Variants in BBS4 observed in about 807,000 individuals in gnomAD.
BBS4 encodes Bardet-Biedl syndrome 4.
A neutral mutation model predicts 71.4 loss-of-function variants in BBS4; 58 were observed. The ratio of observed to expected loss-of-function variants is 0.81; its 90% CI spans 0.66 to 1.01. The LOEUF (loss-of-function observed/expected upper bound fraction) is 1.01, where lower values mean the gene tolerates loss of function less well. BBS4 is among the 50% of genes least tolerant of loss of function. The probability of loss-of-function intolerance (pLI) is 0.00; values close to 1 mark genes in which losing one functional copy is unlikely to be tolerated. For missense variants in BBS4, 660 were observed against 607.9 expected (o/e 1.09, Z -0.90); for synonymous variants, 228 against 216.8 (o/e 1.05, Z -0.46).
intron 15 of BBS4, chr15:72,737,210 G>C (rs1567435705): frequency 8.1e-6 from 5 of 613,844 alleles, no homozygotes; most frequent in Non-Finnish European, 1.4e-5. Flanking sequence ...TCCAATTTTA[G>C]CAATATGTTA....
chr15:72,729,496 C>G, intron 9 of BBS4, 120 bp from the exon 10 acceptor site: 1 of 873,514 alleles, frequency 1.1e-6, no homozygotes, highest in Non-Finnish European at 1.9e-6. Context: ...GTGATCCACC[C>G]ACCTTAGCCT....
At chr15:72,696,882 C>T (rs2065086413) in intron 2 of BBS4, among the ~76,000 whole-genome samples, 1 of 151,906 alleles carries the variant, frequency 6.6e-6, no homozygotes, top group South Asian at 2.1e-4. Context: ...TGAGCTATTG[C>T]ACCTGGGTTA....
chr15:72,706,801 C>G (rs1177229937), intron 2 of BBS4, among the ~76,000 whole-genome samples: 2 of 152,076 alleles, frequency 1.3e-5, no homozygotes, highest in Non-Finnish European at 2.9e-5. Flanking sequence ...AATCCCTATT[C>G]TTGGATAGCA....
At chr15:72,713,632 A>C (rs1336039400) in intron 4 of BBS4, among the ~76,000 whole-genome samples, 1 of 152,198 alleles carries the variant, frequency 6.6e-6, no homozygotes, top group Non-Finnish European at 1.5e-5. Flanking sequence ...ATCAAGTATT[A>C]AGTTCTATAT....
chr15:72,730,372 G>C (rs942031887), intron 10 of BBS4, among the ~76,000 whole-genome samples: 1 of 152,082 alleles, frequency 6.6e-6, no homozygotes, highest in Non-Finnish European at 1.5e-5. Flanking sequence ...TGAGGCAGGA[G>C]GATCACTTGA....
intron 2 of BBS4, among the ~76,000 whole-genome samples, chr15:72,705,640 T>C (rs967332901): frequency 2.3e-5 from 3 of 133,316 alleles, no homozygotes; most frequent in African/African-American, 8.0e-5. Context: ...TCACCCAGGT[T>C]GGAGTGCAGT....
intron 5 of BBS4, among the ~76,000 whole-genome samples, chr15:72,715,674 C>A (rs927007278): frequency 6.6e-6 from 1 of 152,186 alleles, no homozygotes; most frequent in Non-Finnish European, 1.5e-5. Flanking sequence ...AATAGAGACA[C>A]CTTGTACCCT....
intron 2 of BBS4, 120 bp from the exon 3 acceptor site, chr15:72,709,580 T>C: frequency 2.6e-6 from 2 of 771,238 alleles, no homozygotes; most frequent in South Asian, 1.4e-5. Flanking sequence ...TTGTAGTCAG[T>C]AGCATCAAAA....
rs2065956108 is a variant in BBS4 at position 72,737,785 on chromosome 15, C to T, written c.*198C>T. On this transcript the variant is annotated 3_prime_UTR_variant, in exon 16 of 16. Transcript: ENST00000268057. ...TTTGAGGTCGGAAACCCTCTACTGC[C>T]CCATAAGCCAGGAAAAGTGAAAAGA... 8 of 612,094 alleles carry T rather than the reference C, an allele frequency of 1.3e-5. 1 individual carries two copies. Among genetic ancestry groups the T allele is most frequent in the South Asian group, 1.1e-4 (7 of 65,844 alleles). The allele number at this position is 612,094 out of a possible 1,614,324, so 37.9% of individuals were successfully genotyped here.
intron 7 of BBS4, among the ~76,000 whole-genome samples, chr15:72,724,220 A>G (rs112475044): frequency 1.3e-5 from 2 of 152,356 alleles, no homozygotes; most frequent in African/African-American, 2.4e-5. Context: ...ACACTGTACT[A>G]TGATGGCCCT....
chr15:72,687,124 C>CTTTTTTTTTTTTTTTTTTTTTTTTTT lies in BBS4; in HGVS notation c.24+883_24+884insTTTTTTTTTTTTTTTTTTTTTTTTTT, dbSNP rs1458417621. On this transcript the variant is annotated intron_variant, in intron 1 of 15. Transcript: ENST00000268057. ...AATTAGAAAACTCTGAAGACAGAAA[C>CTTTTTTTTTTTTTTTTTTTTTTTTTT]TTTTTTTTTTGAGACGGAGTGTCGC... is the stretch of plus-strand genomic sequence containing the variant. Among the ~76,000 whole-genome samples the CTTTTTTTTTTTTTTTTTTTTTTTTTT allele has an allele frequency of 2.6e-4, 20 of 76,242 alleles. 6 individuals carry two copies. The highest frequency in any genetic ancestry group is 6.3e-4 in the African/African-American group (13 of 20,550). The allele number at this position is 76,242 out of a possible 152,430, so 50.0% of individuals were successfully genotyped here.
chr15:72,729,345 G>T (rs1320476460), intron 9 of BBS4, among the ~76,000 whole-genome samples: 1 of 149,508 alleles, frequency 6.7e-6, no homozygotes, highest in African/African-American at 2.5e-5. Context: ...CTGCCTCCTG[G>T]GTTCAAGCGA....
At position 72,737,568 on chromosome 15, in the gene BBS4, AACAAATAAGAG is replaced by A; in HGVS notation, c.1543_1553del (p.Gln515GlufsTer6). 6.2e-7 allele frequency: 1 copy of A among 1,609,108 alleles called. No homozygotes were observed. Among genetic ancestry groups the A allele is most frequent in the Non-Finnish European group, 8.5e-7 (1 of 1,177,640 alleles). ...GAATCAAGTCCAACTGAAACATCAG[AACAAATAAGAG>A]AGAAATAAGAATAGAATGAATGACC... On this transcript the variant is annotated frameshift_variant, in exon 16 of 16. Coordinates refer to ENST00000268057, the MANE Select transcript of BBS4 (RefSeq NM_033028.5). LOFTEE classifies it high-confidence loss of function.
At chr15:72,688,059 A>T (rs796830409) in intron 1 of BBS4, among the ~76,000 whole-genome samples, 85 of 99,218 alleles carry the variant, frequency 8.6e-4, no homozygotes, top group African/African-American at 4.4e-3. Flanking sequence ...AAAAAAAAAA[A>T]AAAAAAAAAA....
chr15:72,713,523 G>T (rs2065416212), intron 4 of BBS4, among the ~76,000 whole-genome samples: 1 of 152,186 alleles, frequency 6.6e-6, no homozygotes, highest in Admixed American at 6.5e-5. Context: ...GCCTGAGGCA[G>T]TTATTCTTTT....
chr15:72,701,645 G>A (rs1306134085), intron 2 of BBS4, among the ~76,000 whole-genome samples: 2 of 152,058 alleles, frequency 1.3e-5, no homozygotes, highest in East Asian at 1.9e-4. Flanking sequence ...CTCAAGAAAT[G>A]CTTCACCTCT....
intron 6 of BBS4, among the ~76,000 whole-genome samples, chr15:72,719,263 A>ATTT (rs34214646): frequency 0.51 from 71,042 of 140,648 alleles, 19,587 homozygotes; most frequent in Middle Eastern, 0.67. Context: ...TACTTTCTAA[A>ATTT]TTTTTTTTTT....
At chr15:72,734,607 G>A (rs1468392159) in intron 12 of BBS4, among the ~76,000 whole-genome samples, 1 of 152,138 alleles carries the variant, frequency 6.6e-6, no homozygotes, top group Admixed American at 6.5e-5. Flanking sequence ...GTGGGGAGGT[G>A]GAATGGGCAG....
intron 2 of BBS4, among the ~76,000 whole-genome samples, chr15:72,696,031 A>G (rs2065070539): frequency 1.3e-5 from 2 of 152,246 alleles, no homozygotes; most frequent in South Asian, 4.1e-4. Flanking sequence ...TTACAATTAC[A>G]GATATTCATA....
Sources: gnomAD v4.1 joint callset for allele counts (sites outside exome capture counted in the v4.1 genomes callset) on GRCh38, gnomAD v4.1.1 for gene constraint, MANE v1.5 for transcripts, NCBI Gene and HGNC (gene_info 2026-07-23, HGNC 2026-07-21) for gene names.